Variants in KLC2 observed in about 807,000 individuals in gnomAD.
KLC2 encodes the protein KLC 2.
In KLC2, 35 loss-of-function variants were observed where a neutral mutation model predicts 75.1. The observed-to-expected ratio is 0.47, with a 90% CI of 0.36 to 0.62. KLC2 has a LOEUF of 0.62. Among genes scored for constraint, KLC2 ranks in the 20% least tolerant of loss-of-function variants. The pLI is 0.00. For synonymous variants in KLC2, 314 were observed against 336.7 expected, an observed-to-expected ratio of 0.93 and a Z score of 0.74; for missense variants, 611 against 833.2, an observed-to-expected ratio of 0.73 and a Z score of 3.28.
upstream of KLC2, among the ~76,000 whole-genome samples, chr11:66,253,027 GA>G (rs1180364308): frequency 1.1e-4 from 5 of 45,892 alleles, no homozygotes; most frequent in East Asian, 3.2e-3. Flanking sequence ...TTTTTTTTTT[GA>G]GACAGAGTCT....
chr11:66,249,781 A>G, the KLC2 span, among the ~76,000 whole-genome samples: 790 of 152,236 alleles, frequency 5.2e-3, 6 homozygotes, highest in African/African-American at 0.017. Context: ...CCAGTCGGCA[A>G]TGGCACCAGC....
the KLC2 span, among the ~76,000 whole-genome samples, chr11:66,245,586 C>T: frequency 1.8e-4 from 27 of 151,988 alleles, 1 homozygote; most frequent in Non-Finnish European, 3.7e-4. Flanking sequence ...TGTGGTGGCA[C>T]GTGCCTGTAA....
chr11:66,266,285 T>C lies in KLC2; in HGVS notation c.1727+68T>C, dbSNP rs1160224734. The C allele has an allele frequency of 4.6e-6, 7 of 1,534,986 alleles. No homozygotes were observed. The East Asian group carries it at 1.6e-4, about 35-fold the overall frequency. ...CCCCGGATGAGCTCCTGACCCAGAG[T>C]GTGCCCCACTGACCCCAGGCAACCT... On this transcript the variant is annotated intron_variant, in intron 14 of 15. Transcript: ENST00000394067.
chr11:66,266,416 C>T lies in KLC2; in HGVS notation c.1728-17C>T. The T allele has an allele frequency of 1.9e-6, 3 of 1,592,026 alleles. No homozygotes were observed. The highest frequency in any genetic ancestry group is 3.4e-5 in the Admixed American group (2 of 58,860). ...AGTTCCTCCTTGGGCAAATCCCAGGCTGTCCTTTTCCCTCAGGATGAAGCG... is the reference window on the plus strand; with the variant it reads ...AGTTCCTCCTTGGGCAAATCCCAGGTTGTCCTTTTCCCTCAGGATGAAGCG... On this transcript the variant is annotated splice_polypyrimidine_tract_variant and intron_variant, in intron 14 of 15. Coordinates refer to ENST00000394067, the MANE Select transcript of KLC2 (RefSeq NM_001318734.2).
At chr11:66,247,143 C>T in the KLC2 span, among the ~76,000 whole-genome samples, 1 of 152,162 alleles carries the variant, frequency 6.6e-6, no homozygotes, top group African/African-American at 2.4e-5. Context: ...TTGTACCCAC[C>T]ATCTAATCCA....
upstream of KLC2, among the ~76,000 whole-genome samples, chr11:66,255,938 G>A (rs990935054): frequency 1.3e-5 from 2 of 151,938 alleles, no homozygotes; most frequent in African/African-American, 4.8e-5. Context: ...GCTAATTTTT[G>A]TATTTTTAGT....
rs1856893363 is a variant in KLC2 at position 66,267,179 on chromosome 11, T to G, written c.*223T>G. On this transcript the variant is annotated 3_prime_UTR_variant, in exon 16 of 16. Transcript: ENST00000394067. The stretch of plus-strand genomic sequence containing the variant: ...TTATTTATTCCTTCCAGCAGGGCCC[T>G]CTTCCCTAGGTTCGGGCCAGCAGGA... The G allele has an allele frequency of 3.9e-6, 6 of 1,549,046 alleles. No homozygotes were observed. Among genetic ancestry groups the G allele is most frequent in the Non-Finnish European group, 5.2e-6 (6 of 1,146,060 alleles).
rs770712374 is a variant in KLC2, at chr11:66,265,907, T to C, written c.1497T>C (p.Ser499=). Residue 499 remains serine (S), a synonymous_variant, in exon 13 of 16, where the codon AGT becomes AGC. Transcript: ENST00000394067. Reference sequence around the variant, plus strand: ...TGGTAGAACTGCTGAAAGATGGCAGTGGCAGGCGGGGAGACCGCCGCAGCA... The same window carrying C: ...TGGTAGAACTGCTGAAAGATGGCAGCGGCAGGCGGGGAGACCGCCGCAGCA... ...TKVVELLKDG[S]GRRGDRRSSR... is the part of the protein sequence containing the mutation. The C allele has an allele frequency of 2.8e-5, 44 of 1,582,514 alleles. No individual in the cohort carries two copies. Among genetic ancestry groups the C allele is most frequent in the Non-Finnish European group, 3.4e-5 (40 of 1,161,492 alleles).
In KLC2 at chr11:66,261,894, G is replaced by C; in HGVS notation, c.381G>C (p.Val127=). The part of the protein sequence containing the change: ...QQKLQRSEQA[V]AQLEEEKQHL... ...AGCTGCAGCGCAGTGAGCAGGCCGT[G>C]GCCCAGCTCGAGGAGGAGAAGCAGC... The change falls in exon 3 of 16, where the codon GTG becomes GTC. Residue 127 remains valine (V), a synonymous_variant. Transcript: ENST00000394067. 1 of 1,614,204 alleles carries C rather than the reference G, an allele frequency of 6.2e-7. No individual in the cohort carries two copies. The highest frequency in any genetic ancestry group is 8.5e-7 in the Non-Finnish European group (1 of 1,180,034).
the KLC2 span, among the ~76,000 whole-genome samples, chr11:66,246,902 C>T: frequency 6.6e-6 from 1 of 152,100 alleles, no homozygotes; most frequent in Admixed American, 6.5e-5. Flanking sequence ...TCCTTTTTGG[C>T]CTCCCTTGCT....
At chr11:66,264,701 C>T (rs1022965651) in intron 9 of KLC2, 1 of 585,924 alleles carries the variant, frequency 1.7e-6, no homozygotes, top group Non-Finnish European at 3.0e-6. Context: ...GATTCTTGCT[C>T]ACCTTGAGGG....
In KLC2 at chr11:66,258,642, G is replaced by A. The variant is rs769623218; in HGVS notation, c.48G>A (p.Glu16=). 3 of 1,613,942 alleles carry A rather than the reference G, an allele frequency of 1.9e-6. No homozygotes were observed. Among genetic ancestry groups the A allele is most frequent in the Non-Finnish European group, 2.5e-6 (3 of 1,179,978 alleles). The change falls in exon 2 of 16, where the codon GAG becomes GAA. Residue 16 remains glutamate, a synonymous_variant. Coordinates refer to ENST00000394067, the MANE Select transcript of KLC2 (RefSeq NM_001318734.2). ...FPREEKLSQD[E]IVLGTKAVIQ... ...GGGAGGAGAAGCTGAGCCAGGATGAGATCGTGCTGGGCACCAAGGCTGTCA... is the reference window on the plus strand; with the variant it reads ...GGGAGGAGAAGCTGAGCCAGGATGAAATCGTGCTGGGCACCAAGGCTGTCA...
Position 66,263,157 on chromosome 11 carries a change from G to GC in KLC2, c.752+122dup, listed in dbSNP as rs1205064929. 8.6e-6 allele frequency: 6 copies of GC among 695,260 alleles called. No individual in the cohort carries two copies. In the Admixed American group the frequency reaches 1.5e-4, roughly 18 times the overall value. The allele number at this position is 695,260 out of a possible 1,614,324, so 43.1% of individuals were successfully genotyped here. A position where few individuals can be genotyped will look rare whatever the true frequency, so the allele number is the denominator to read the frequency against. ...ACCTGCGTGGAGCTGGGCTACAGAT[G>GC]CAAGTAAAACTGTCTAGTGTAAGAG... On this transcript the variant is annotated intron_variant, in intron 5 of 15. Transcript: ENST00000394067.
At chr11:66,266,520 G>A in intron 15 of KLC2, 30 bp downstream of exon 15, 1 of 1,607,516 alleles carries the variant, frequency 6.2e-7, no homozygotes, top group Non-Finnish European at 8.5e-7. Flanking sequence ...TGGGCACTGG[G>A]CAGCTGCGGC....
At chr11:66,244,573 T>C in the KLC2 span, 1 of 152,366 alleles carries the variant, frequency 6.6e-6, no homozygotes, top group East Asian at 1.9e-4. Context: ...GAACTTCATT[T>C]TGAAAGTGTT....
intron 4 of KLC2, chr11:66,262,510 G>C (rs1268551373): frequency 5.4e-6 from 3 of 550,486 alleles, no homozygotes; most frequent in Non-Finnish European, 9.8e-6. Flanking sequence ...GCCACAATGG[G>C]GCCAGTGCCT....
Position 66,265,971 on chromosome 11 carries a change from T to G in KLC2, c.1561T>G (p.Ser521Ala). ...MAGGAGPRSE[S>A]DLEDVGPTAE... ...TGGGGGTGCCGGGCCTCGGTCTGAG[T>G]CTGACCTCGAGGACGTGGGACCTAC... The change falls in exon 13 of 16, where the codon TCT becomes GCT. Residue 521 changes from serine (S) to alanine (A), a missense_variant. Physicochemically the swap from Ser to Ala is moderately conservative, Grantham distance 99. Transcript: ENST00000394067. The G allele has an allele frequency of 6.2e-7, 1 of 1,608,820 alleles. No individual in the cohort carries two copies. Among genetic ancestry groups the G allele is most frequent in the Non-Finnish European group, 8.5e-7 (1 of 1,176,348 alleles).
chr11:66,265,893 C>T lies in KLC2; in HGVS notation c.1483C>T (p.Leu495=). The change falls in exon 13 of 16, where the codon CTG becomes TTG. Residue 495 remains leucine (L), a synonymous_variant. Transcript: ENST00000394067. The part of the protein sequence containing the change: ...PASQTKVVEL[L]KDGSGRRGDR... ...AAGCCAGACCAAGGTGGTAGAACTG[C>T]TGAAAGATGGCAGTGGCAGGCGGGG... is the stretch of plus-strand genomic sequence containing the variant. The T allele has an allele frequency of 6.3e-7, 1 of 1,579,798 alleles. No individual in the cohort carries two copies. The highest frequency in any genetic ancestry group is 1.7e-5 in the Admixed American group (1 of 57,616).
chr11:66,261,228 C>G (rs1188946991), intron 2 of KLC2: 2 of 153,186 alleles, frequency 1.3e-5, no homozygotes, highest in African/African-American at 2.4e-5. Flanking sequence ...GCTCCTCATG[C>G]CAACTGAGCA....
Sources: gnomAD v4.1 joint callset for allele counts (sites outside exome capture counted in the v4.1 genomes callset) on GRCh38, gnomAD v4.1.1 for gene constraint, MANE v1.5 for transcripts, NCBI Gene and HGNC (gene_info 2026-07-23, HGNC 2026-07-21) for gene names.